The following EXOC4 variants were observed in gnomAD, a reference collection of about 807,000 sequenced individuals.
EXOC4 encodes SEC8-like 1.
A neutral mutation model predicts 107.2 loss-of-function variants in EXOC4; 71 were observed. The observed-to-expected ratio is 0.66, with a 90% CI of 0.55 to 0.81. The LOEUF is 0.81. Among genes scored for constraint, EXOC4 ranks in the 30% least tolerant of loss-of-function variants. The pLI, the probability that EXOC4 is intolerant of heterozygous loss-of-function variation, is 0.00. For missense variants in EXOC4, 1,108 were observed against 1,189.6 expected (o/e 0.93, Z 1.01); for synonymous variants, 456 against 441.2 (o/e 1.03, Z -0.42).
intron 7 of EXOC4, among the ~76,000 whole-genome samples, chr7:133,385,615 TTA>T (rs1162918965): frequency 1.3e-5 from 2 of 152,220 alleles, no homozygotes; most frequent in African/African-American, 2.4e-5. Context: ...AAATGATTTT[TTA>T]TATGTTATTA....
At chr7:134,059,698 C>T (rs1224388052) in intron 17 of EXOC4, among the ~76,000 whole-genome samples, 1 of 151,988 alleles carries the variant, frequency 6.6e-6, no homozygotes, top group Non-Finnish European at 1.5e-5. Flanking sequence ...TTGAAGTATC[C>T]AATTGTGTTT....
chr7:133,412,130 A>G (rs997769470), intron 7 of EXOC4, among the ~76,000 whole-genome samples: 1 of 152,024 alleles, frequency 6.6e-6, no homozygotes, highest in Non-Finnish European at 1.5e-5. Context: ...AGCTTGTTAT[A>G]AGGTGTGTTG....
At chr7:133,459,653 T>C (rs1331727730) in intron 7 of EXOC4, among the ~76,000 whole-genome samples, 1 of 152,194 alleles carries the variant, frequency 6.6e-6, no homozygotes, top group Non-Finnish European at 1.5e-5. Context: ...CAGGATCTTA[T>C]CGGATCATAT....
At chr7:133,386,367 C>T (rs1309616356) in intron 7 of EXOC4, among the ~76,000 whole-genome samples, 4 of 152,224 alleles carry the variant, frequency 2.6e-5, no homozygotes, top group South Asian at 2.1e-4. Flanking sequence ...GACTTCCTCT[C>T]TCCCTGTTTT....
intron 6 of EXOC4, among the ~76,000 whole-genome samples, chr7:133,356,974 C>T (rs561080661): frequency 1.6e-4 from 25 of 152,106 alleles, no homozygotes; most frequent in Non-Finnish European, 2.2e-4. Context: ...AGCGAGACTC[C>T]GTCTTAAAAA....
At chr7:133,971,359 T>TAG (rs1413957280) in intron 14 of EXOC4, among the ~76,000 whole-genome samples, 71 of 96,694 alleles carry the variant, frequency 7.3e-4, no homozygotes, top group Non-Finnish European at 9.1e-4. Flanking sequence ...TATATATATA[T>TAG]ATAGAGAGAG....
intron 11 of EXOC4, among the ~76,000 whole-genome samples, chr7:133,888,215 A>C (rs1799128811): frequency 6.6e-6 from 1 of 152,172 alleles, no homozygotes; most frequent in Non-Finnish European, 1.5e-5. Flanking sequence ...GAAGAGCTAT[A>C]CACCTTTGTT....
intron 9 of EXOC4, among the ~76,000 whole-genome samples, chr7:133,600,504 G>T (rs1801781095): frequency 6.6e-6 from 1 of 152,156 alleles, no homozygotes; most frequent in East Asian, 1.9e-4. Context: ...TCACCTAGGT[G>T]CAGTGTACCC....
intron 10 of EXOC4, among the ~76,000 whole-genome samples, chr7:133,649,929 G>A (rs939972754): frequency 6.6e-6 from 1 of 152,124 alleles, no homozygotes; most frequent in African/African-American, 2.4e-5. Flanking sequence ...TTAATATTAT[G>A]TCACTACTTT....
At chr7:134,048,425 C>T (rs1216466926) in intron 17 of EXOC4, among the ~76,000 whole-genome samples, 1 of 152,068 alleles carries the variant, frequency 6.6e-6, no homozygotes, top group African/African-American at 2.4e-5. Context: ...CAGCATATGC[C>T]CAGGAATGAG....
rs762481806 is a variant in EXOC4, at chr7:133,253,233, C to A, written c.86+46C>A. On this transcript the variant is annotated intron_variant, in intron 1 of 17. Transcript: ENST00000253861. Reference sequence around the variant, plus strand: ...GGTCTGGGGACTGGGGGCAGCGGCTCGACCTCCGCTTTGGAAGGGAGAAGG... The same window carrying A: ...GGTCTGGGGACTGGGGGCAGCGGCTAGACCTCCGCTTTGGAAGGGAGAAGG... 106 of 1,592,976 alleles carry A rather than the reference C, an allele frequency of 6.7e-5. 1 individual carries two copies. Among genetic ancestry groups the A allele is most frequent in the Non-Finnish European group, 8.7e-5 (101 of 1,164,598 alleles).
At chr7:133,952,171 G>GA (rs143443942) in intron 14 of EXOC4, among the ~76,000 whole-genome samples, 11 of 149,864 alleles carry the variant, frequency 7.3e-5, no homozygotes, top group South Asian at 2.1e-4. Flanking sequence ...AAAAAAAAAA[G>GA]AAAAAAAAAG....
chr7:133,873,597 G>A (rs1274547139), intron 11 of EXOC4, among the ~76,000 whole-genome samples: 4 of 152,222 alleles, frequency 2.6e-5, no homozygotes, highest in East Asian at 1.9e-4. Context: ...TTAAAACGTC[G>A]CCATTATTTT....
chr7:133,499,165 ATGGCATACTTACAATTATTCAGT>A (rs1799532192), intron 9 of EXOC4, among the ~76,000 whole-genome samples: 1 of 150,680 alleles, frequency 6.6e-6, no homozygotes, highest in East Asian at 1.9e-4. Context: ...TTTGTAGCAC[ATGGCATACTTACAATTATTCAGT>A]TGGCATACTT....
At chr7:133,384,400 G>A (rs907766556) in intron 7 of EXOC4, among the ~76,000 whole-genome samples, 18 of 152,070 alleles carry the variant, frequency 1.2e-4, no homozygotes, top group Admixed American at 9.2e-4. Context: ...ATCTCTGTCT[G>A]GTTTTGTCTG....
chr7:133,421,643 C>G (rs1178036449), intron 7 of EXOC4, among the ~76,000 whole-genome samples: 2 of 152,146 alleles, frequency 1.3e-5, no homozygotes, highest in Admixed American at 1.3e-4. Flanking sequence ...TTGTATAACA[C>G]ATAATTCTAA....
the EXOC4 span, among the ~76,000 whole-genome samples, chr7:134,083,824 T>G: frequency 9.2e-5 from 14 of 152,324 alleles, no homozygotes; most frequent in African/African-American, 3.4e-4. Flanking sequence ...AGGAGGAATA[T>G]CAATGAATTT....
Position 133,475,323 on chromosome 7 carries a change from T to C in EXOC4, c.1183-5T>C, listed in dbSNP as rs1178094426. 6.2e-7 allele frequency: 1 copy of C among 1,607,376 alleles called. No individual in the cohort carries two copies. Among genetic ancestry groups the C allele is most frequent in the Admixed American group, 1.7e-5 (1 of 59,414 alleles). On this transcript the variant is annotated splice_polypyrimidine_tract_variant and splice_region_variant and intron_variant, in intron 7 of 17. Transcript: ENST00000253861. ...TAACATTAACTGATTTATCTGGTTG[T>C]ACAGATGCTATTAACTGAGTACTTG...
intron 7 of EXOC4, among the ~76,000 whole-genome samples, chr7:133,416,016 CAGAG>C (rs1019831294): frequency 8.5e-5 from 13 of 152,080 alleles, no homozygotes; most frequent in Non-Finnish European, 1.3e-4. Context: ...TCAGATCACA[CAGAG>C]AGGGAGCAAA....
Sources: gnomAD v4.1 joint callset for allele counts (sites outside exome capture counted in the v4.1 genomes callset) on GRCh38, gnomAD v4.1.1 for gene constraint, MANE v1.5 for transcripts, NCBI Gene and HGNC (gene_info 2026-07-23, HGNC 2026-07-21) for gene names.